SLC6A11: variants seen among roughly 807,000 people sequenced by gnomAD.
The protein encoded by SLC6A11 is sodium- and chloride-dependent GABA transporter 3.
In SLC6A11, 25 loss-of-function variants were observed where a neutral mutation model predicts 74.8. That is an observed-to-expected ratio of 0.33 (90% CI 0.24 to 0.47). The LOEUF is 0.47. Ranked by LOEUF, SLC6A11 falls within the 20% of genes least tolerant of loss-of-function variation. The probability of loss-of-function intolerance (pLI) is 1.00; values close to 1 mark genes in which losing one functional copy is unlikely to be tolerated. For synonymous variants in SLC6A11, 330 were observed against 330.2 expected, an observed-to-expected ratio of 1.00 and a Z score of 0.01; for missense variants, 574 against 837.0, an observed-to-expected ratio of 0.69 and a Z score of 3.88.
intron 6 of SLC6A11, among the ~76,000 whole-genome samples, chr3:10,911,668 G>A (rs1442945276): frequency 6.6e-6 from 1 of 152,148 alleles, no homozygotes; most frequent in Non-Finnish European, 1.5e-5. Flanking sequence ...TACCTTGCAA[G>A]CAGGCACTAG....
At chr3:10,884,752 C>G (rs994171721) in intron 6 of SLC6A11, among the ~76,000 whole-genome samples, 1 of 152,154 alleles carries the variant, frequency 6.6e-6, no homozygotes, top group African/African-American at 2.4e-5. Flanking sequence ...CTCCATTCAG[C>G]GCAGGAATCT....
intron 5 of SLC6A11, among the ~76,000 whole-genome samples, chr3:10,858,663 G>C (rs1225199436): frequency 2.0e-5 from 3 of 152,222 alleles, no homozygotes; most frequent in Admixed American, 6.5e-5. Flanking sequence ...GCTTAGCGAG[G>C]TACAGTAACC....
chr3:10,816,557 A>C lies in SLC6A11; in HGVS notation c.256+36A>C. ...AGTGAGGAGAAGGGGAGGGGGCGCC[A>C]ACCGCCCGGTGGGGGCGGGGAGCCA... is the stretch of plus-strand genomic sequence containing the variant. On this transcript the variant is annotated intron_variant, in intron 1 of 13. Transcript: ENST00000254488. This position sits in a 1 kb window ranked among gnomAD's most constrained non-coding sequence, Gnocchi z 4.2. The C allele has an allele frequency of 6.5e-7, 1 of 1,528,088 alleles. No homozygotes were observed. Among genetic ancestry groups the C allele is most frequent in the Non-Finnish European group, 8.8e-7 (1 of 1,135,480 alleles). The allele number at this position is 1,528,088 out of a possible 1,614,324, so 94.7% of individuals were successfully genotyped here.
At position 10,912,257 on chromosome 3, in the gene SLC6A11, G is replaced by A; in HGVS notation, c.995+64G>A. 5 of 1,119,942 alleles carry A rather than the reference G, an allele frequency of 4.5e-6. No homozygotes were observed. In the Admixed American group the frequency reaches 6.8e-5, roughly 15 times the overall value. 69.4% of individuals were successfully genotyped at this position (1,119,942 alleles called of 1,614,324 possible). ...CCCTGAGAGCCCTCTAACCTGCCAGGCTAGTTTATGTTTGTCTGCCCACCT... is the reference window on the plus strand; with the variant it reads ...CCCTGAGAGCCCTCTAACCTGCCAGACTAGTTTATGTTTGTCTGCCCACCT... On this transcript the variant is annotated intron_variant, in intron 7 of 13. Coordinates refer to ENST00000254488, the MANE Select transcript of SLC6A11 (RefSeq NM_014229.3).
At chr3:10,907,745 G>A (rs1010641870) in intron 6 of SLC6A11, among the ~76,000 whole-genome samples, 18 of 152,326 alleles carry the variant, frequency 1.2e-4, no homozygotes, top group Middle Eastern at 6.8e-3. Flanking sequence ...AAAAGAAAAA[G>A]AGAGCCAAGG....
In SLC6A11 at chr3:10,935,184, G is replaced by C; in HGVS notation, c.1731G>C (p.Glu577Asp). The change falls in exon 13 of 14, where the codon GAG becomes GAC. Residue 577 changes from glutamate (E) to aspartate (D), a missense_variant. By Grantham distance (45) the Glu-to-Asp change is conservative. Around this residue, in one of 4 missense-constraint regions of SLC6A11, gnomAD observed 257 missense variants for 341.5 expected, o/e 0.75. Coordinates refer to ENST00000254488, the MANE Select transcript of SLC6A11 (RefSeq NM_014229.3). Reference sequence around the variant, plus strand: ...TCTGCATCACAGTGTGGAAGACGGAGGGGACACTGCCCGAGGTGAGACCGC... The same window carrying C: ...TCTGCATCACAGTGTGGAAGACGGACGGGACACTGCCCGAGGTGAGACCGC... ...LWICITVWKT[E>D]GTLPEKLQKL... The C allele has an allele frequency of 6.2e-7, 1 of 1,614,134 alleles. No homozygotes were observed. The highest frequency in any genetic ancestry group is 8.5e-7 in the Non-Finnish European group (1 of 1,179,998).
intron 13 of SLC6A11, among the ~76,000 whole-genome samples, chr3:10,937,184 G>C (rs890535698): frequency 2.0e-5 from 3 of 152,308 alleles, no homozygotes; most frequent in South Asian, 4.1e-4. Context: ...ACTAACCCCG[G>C]AAGGCAGGTA....
chr3:10,926,224 C>T lies in SLC6A11; in HGVS notation c.1233+108C>T, dbSNP rs918390130. The stretch of plus-strand genomic sequence containing the variant: ...CCAGGCCCAGCCACTCCCACCTGGC[C>T]CTGGCATCAGGGCCCTGCCCACCGT... On this transcript the variant is annotated intron_variant, in intron 9 of 13. Transcript: ENST00000254488. This position sits in a 1 kb window ranked among gnomAD's most constrained non-coding sequence, Gnocchi z 5.7. 1.4e-6 allele frequency: 1 copy of T among 696,830 alleles called. No homozygotes were observed. The highest frequency in any genetic ancestry group is 1.7e-5 in the South Asian group (1 of 58,204). 43.2% of individuals were successfully genotyped at this position (696,830 alleles called of 1,614,324 possible). A position where few individuals can be genotyped will look rare whatever the true frequency, so the allele number is the denominator to read the frequency against.
intron 6 of SLC6A11, among the ~76,000 whole-genome samples, chr3:10,888,504 G>T (rs1695070529): frequency 6.6e-6 from 1 of 152,200 alleles, no homozygotes; most frequent in Non-Finnish European, 1.5e-5. Context: ...GTGTGAGTTT[G>T]TCTGGCTACC....
intron 4 of SLC6A11, among the ~76,000 whole-genome samples, chr3:10,830,637 G>A (rs1181875391): frequency 6.6e-6 from 1 of 152,176 alleles, no homozygotes; most frequent in African/African-American, 2.4e-5. Flanking sequence ...TGGCATGTCA[G>A]CAAGGGAACT....
intron 5 of SLC6A11, among the ~76,000 whole-genome samples, chr3:10,861,960 CAG>C (rs1694707783): frequency 1.3e-5 from 2 of 152,278 alleles, no homozygotes; most frequent in South Asian, 2.1e-4. Context: ...CCTTTCAGAA[CAG>C]GGGATGCTTG....
chr3:10,825,200 A>T (rs1487002774), intron 4 of SLC6A11: 1 of 151,626 alleles, frequency 6.6e-6, no homozygotes, highest in Non-Finnish European at 1.5e-5. Context: ...AAAAAAAATT[A>T]ATTTACACTC....
intron 6 of SLC6A11, among the ~76,000 whole-genome samples, chr3:10,909,200 G>C (rs1239076896): frequency 6.6e-6 from 1 of 151,784 alleles, no homozygotes; most frequent in Admixed American, 6.6e-5. Flanking sequence ...AAAATCCTTG[G>C]ATTGGCCAGG....
intron 6 of SLC6A11, among the ~76,000 whole-genome samples, chr3:10,905,226 G>A (rs1202153787): frequency 1.3e-5 from 2 of 152,186 alleles, no homozygotes; most frequent in Admixed American, 6.5e-5. Flanking sequence ...TTCTCTTCTT[G>A]AGTAAATGGG....
intron 6 of SLC6A11, among the ~76,000 whole-genome samples, chr3:10,880,235 A>G (rs866267863): frequency 2.0e-4 from 30 of 152,276 alleles, no homozygotes; most frequent in Middle Eastern, 6.8e-3. Flanking sequence ...TCCATCTTGT[A>G]TCTCTTTGTA....
chr3:10,916,972 T>A (rs778627962), intron 7 of SLC6A11, among the ~76,000 whole-genome samples: 7 of 152,220 alleles, frequency 4.6e-5, no homozygotes, highest in Admixed American at 6.5e-5. Flanking sequence ...ATGTAACCTT[T>A]GGTTGCTTTA....
chr3:10,914,574 G>A (rs1695430882), intron 7 of SLC6A11, among the ~76,000 whole-genome samples: 1 of 152,204 alleles, frequency 6.6e-6, no homozygotes, highest in African/African-American at 2.4e-5. Flanking sequence ...GGTTCTTTGG[G>A]TGAGAGGTAT....
chr3:10,907,756 A>G (rs1370550458), intron 6 of SLC6A11, among the ~76,000 whole-genome samples: 1 of 152,220 alleles, frequency 6.6e-6, no homozygotes, highest in East Asian at 1.9e-4. Context: ...AGAGCCAAGG[A>G]TTTTATATAC....
Position 10,924,096 on chromosome 3 carries a change from C to T in SLC6A11, c.1121-1908C>T, listed in dbSNP as rs139698015. Among the ~76,000 whole-genome samples the T allele has an allele frequency of 1.2e-3, 183 of 152,052 alleles. 2 individuals carry two copies. Among genetic ancestry groups the T allele is most frequent in the South Asian group, 0.011 (55 of 4,818 alleles). On this transcript the variant is annotated intron_variant, in intron 8 of 13. Coordinates refer to ENST00000254488, the MANE Select transcript of SLC6A11 (RefSeq NM_014229.3). ...AGACTAAAGAGATACAACCAATAAA[C>T]GCAATGTGGAGTTCTGAATTAAATG...
Sources: allele counts gnomAD v4.1 joint callset (sites outside exome capture counted in the v4.1 genomes callset), GRCh38; gene constraint gnomAD v4.1.1; regional missense constraint gnomAD v4.1.1; non-coding constraint Gnocchi (gnomAD v3.1); transcripts MANE v1.5; gene names NCBI Gene and HGNC (gene_info 2026-07-23, HGNC 2026-07-21).